STIL: variants seen among roughly 807,000 people sequenced by gnomAD.
The protein encoded by STIL is STIL centriolar assembly protein, also known as SCL-interrupting locus protein.
A neutral mutation model predicts 110.1 loss-of-function variants in STIL; 55 were observed. The observed-to-expected ratio is 0.50, with a 90% CI of 0.40 to 0.63. The LOEUF (loss-of-function observed/expected upper bound fraction) is 0.63. Ranked by LOEUF, STIL falls within the 20% of genes least tolerant of loss-of-function variation. The pLI is 0.00. For missense variants in STIL, 1,358 were observed against 1,530.0 expected (o/e 0.89, Z 1.87); for synonymous variants, 481 against 530.0 (o/e 0.91, Z 1.27).
At chr1:47,310,939 C>T (rs930067889) in intron 1 of STIL, among the ~76,000 whole-genome samples, 3 of 152,184 alleles carry the variant, frequency 2.0e-5, no homozygotes, top group African/African-American at 4.8e-5. Context: ...CCTCCGCCTC[C>T]TGGGTTCAAG....
intron 12 of STIL, among the ~76,000 whole-genome samples, chr1:47,278,968 A>G (rs942810674): frequency 2.6e-5 from 4 of 152,156 alleles, no homozygotes; most frequent in African/African-American, 4.8e-5. Flanking sequence ...TGCAAACACT[A>G]TAACTCCAAT....
intron 15 of STIL, among the ~76,000 whole-genome samples, chr1:47,260,797 G>C (rs1644463519): frequency 1.3e-5 from 2 of 152,158 alleles, no homozygotes; most frequent in African/African-American, 4.8e-5. Context: ...TGAGCCACGA[G>C]GCTGAGGCTG....
At chr1:47,301,521 C>T (rs375140986) in intron 5 of STIL, 40 bp downstream of exon 5, 334 of 1,545,530 alleles carry the variant, frequency 2.2e-4, no homozygotes, top group South Asian at 5.1e-4. Context: ...TAGTTTGATT[C>T]TTGTGTTGAA....
intron 9 of STIL, 30 bp from the exon 10 acceptor site, chr1:47,287,690 C>A: frequency 6.5e-7 from 1 of 1,535,926 alleles, no homozygotes; most frequent in South Asian, 1.1e-5. Context: ...ATTTTGAGAT[C>A]TGACTTAAAT....
At chr1:47,252,094 A>G (rs1644201134) in intron 16 of STIL, among the ~76,000 whole-genome samples, 172 bp from the exon 17 acceptor site, 1 of 152,246 alleles carries the variant, frequency 6.6e-6, no homozygotes. Flanking sequence ...CAAAGGATAC[A>G]TATGGGCTGG....
intron 15 of STIL, among the ~76,000 whole-genome samples, chr1:47,261,524 G>A (rs776435331): frequency 1.3e-5 from 2 of 149,834 alleles, no homozygotes; most frequent in Non-Finnish European, 3.0e-5. Context: ...CAGATCACTT[G>A]AGGCCAGGAG....
Position 47,269,797 on chromosome 1 carries a change from G to A in STIL, c.2453C>T (p.Thr818Ile). 1 of 1,614,102 alleles carries A rather than the reference G, an allele frequency of 6.2e-7. No individual in the cohort carries two copies. The highest frequency in any genetic ancestry group is 8.5e-7 in the Non-Finnish European group (1 of 1,180,022). ...ATTCATGTCCTCACTGGAAATTTTGGTATCATCTTGCTTCATTTGAGAGTC... is the reference window on the plus strand; with the variant it reads ...ATTCATGTCCTCACTGGAAATTTTGATATCATCTTGCTTCATTTGAGAGTC... The part of the protein sequence containing the change: ...EPDSQMKQDD[T>I]KISSEDMNFS... The change falls in exon 14 of 17, where the codon ACC becomes ATC. Residue 818 changes from threonine to isoleucine, a missense_variant. Thr to Ile is a moderately conservative substitution (Grantham distance 89, BLOSUM62 -1). Coordinates refer to ENST00000371877, the MANE Select transcript of STIL (RefSeq NM_001048166.1).
intron 10 of STIL, among the ~76,000 whole-genome samples, chr1:47,284,566 G>C (rs1645239299): frequency 6.6e-6 from 1 of 152,120 alleles, no homozygotes. Context: ...TCAATAAAAT[G>C]TTGAATAAGG....
At chr1:47,314,150 G>A (rs1451078749), upstream of STIL, 1 of 152,328 alleles carries the variant, frequency 6.6e-6, no homozygotes, top group Non-Finnish European at 1.5e-5. Flanking sequence ...CGGGAACTGA[G>A]GCGGCAAACA....
chr1:47,266,432 C>G (rs1378736873), intron 14 of STIL, among the ~76,000 whole-genome samples: 1 of 152,140 alleles, frequency 6.6e-6, no homozygotes, highest in Non-Finnish European at 1.5e-5. Context: ...TATCATAGAT[C>G]ACTGCAACCT....
At chr1:47,293,282 C>CT (rs1462584438) in intron 8 of STIL, among the ~76,000 whole-genome samples, 176 bp downstream of exon 8, 1 of 151,984 alleles carries the variant, frequency 6.6e-6, no homozygotes, top group Non-Finnish European at 1.5e-5. Context: ...GCAACCTCAT[C>CT]TTTTTTTAAT....
At chr1:47,297,653 T>C (rs954905641) in intron 6 of STIL, among the ~76,000 whole-genome samples, 8 of 152,092 alleles carry the variant, frequency 5.3e-5, no homozygotes, top group African/African-American at 1.7e-4. Context: ...ACAGGCACTA[T>C]TGTAGCTTAC....
intron 13 of STIL, among the ~76,000 whole-genome samples, chr1:47,270,239 A>T (rs1341641029): frequency 0.063 from 7,457 of 119,058 alleles, 560 homozygotes; most frequent in African/African-American, 0.2. Context: ...AAAAAAAAAA[A>T]AAATATATAT....
chr1:47,258,870 A>C (rs961063790), intron 16 of STIL, among the ~76,000 whole-genome samples: 6 of 152,146 alleles, frequency 3.9e-5, no homozygotes, highest in Non-Finnish European at 8.8e-5. Flanking sequence ...ACTGTCTCAA[A>C]ATTAAAACAA....
intron 12 of STIL, among the ~76,000 whole-genome samples, chr1:47,273,771 G>A (rs568612044): frequency 3.9e-5 from 6 of 152,162 alleles, no homozygotes; most frequent in Admixed American, 6.5e-5. Flanking sequence ...CTCTACAAAT[G>A]GTACTACTGT....
chr1:47,258,962 C>G (rs1240757739), intron 16 of STIL, among the ~76,000 whole-genome samples: 1 of 139,914 alleles, frequency 7.1e-6, no homozygotes, highest in Non-Finnish European at 1.5e-5. Flanking sequence ...TTCTAGAATA[C>G]AAAAGAAATG....
rs551620970 is a variant in STIL, at chr1:47,288,917, C to G, written c.1023+518G>C. On this transcript the variant is annotated intron_variant, in intron 9 of 16. Coordinates refer to ENST00000371877, the MANE Select transcript of STIL (RefSeq NM_001048166.1). The stretch of plus-strand genomic sequence containing the variant: ...CAAAAAAAAAAAAAAAAAAAAATAG[C>G]CAGGTGTGATGGTGGGCTCCTGTAA... Among the ~76,000 whole-genome samples, 4 of 142,502 alleles carry G rather than the reference C, an allele frequency of 2.8e-5. No individual in the cohort carries two copies. In the East Asian group the frequency reaches 8.2e-4, roughly 29 times the overall value. The allele number at this position is 142,502 out of a possible 152,430, so 93.5% of individuals were successfully genotyped here. A position where few individuals can be genotyped will look rare whatever the true frequency, so the allele number is the denominator to read the frequency against.
chr1:47,267,779 G>A (rs2821094), intron 14 of STIL, among the ~76,000 whole-genome samples: 63,379 of 150,988 alleles, frequency 0.42, 15,416 homozygotes, highest in South Asian at 0.55. Context: ...GCGCAATCTC[G>A]GCTCACTGCA....
Position 47,280,442 on chromosome 1 carries a change from G to A in STIL, c.2016C>T (p.Gly672=), listed in dbSNP as rs1645124235. 1 of 1,614,204 alleles carries A rather than the reference G, an allele frequency of 6.2e-7. No homozygotes were observed. The highest frequency in any genetic ancestry group is 8.5e-7 in the Non-Finnish European group (1 of 1,180,028). Residue 672 remains glycine (G), a synonymous_variant, in exon 12 of 17, where the codon GGC becomes GGT. Transcript: ENST00000371877. ...PIALRPQGDM[G]SCSPHSNIEP... Reference sequence around the variant, plus strand: ...CAATATTGCTGTGGGGAGAACAACTGCCCATATCTCCCTGAGGTCTCAAGG... The same window carrying A: ...CAATATTGCTGTGGGGAGAACAACTACCCATATCTCCCTGAGGTCTCAAGG...
Sources: allele counts gnomAD v4.1 joint callset (sites outside exome capture counted in the v4.1 genomes callset), GRCh38; gene constraint gnomAD v4.1.1; transcripts MANE v1.5; gene names NCBI Gene and HGNC (gene_info 2026-07-23, HGNC 2026-07-21).